Variants in XYLT1 observed in about 807,000 individuals in gnomAD.
XYLT1 encodes the protein beta-D-xylosyltransferase 1.
XYLT1 carries 36 observed loss-of-function variants against 91.3 expected under a neutral mutation model. That is an observed-to-expected ratio of 0.39 (90% confidence interval 0.30 to 0.52). The LOEUF (loss-of-function observed/expected upper bound fraction) is 0.52. Ranked by LOEUF, XYLT1 falls within the 20% of genes least tolerant of loss-of-function variation. XYLT1 has a pLI of 0.68. For missense variants in XYLT1, 1,242 were observed against 1,284.5 expected, an observed-to-expected ratio of 0.97 and a Z score of 0.51; for synonymous variants, 588 against 532.0, an observed-to-expected ratio of 1.11 and a Z score of -1.45.
At chr16:17,232,946 C>A (rs961027672) in intron 3 of XYLT1, among the ~76,000 whole-genome samples, 1 of 152,120 alleles carries the variant, frequency 6.6e-6, no homozygotes, top group Non-Finnish European at 1.5e-5. Context: ...CCCCTTTGGG[C>A]ATAATTCTTC....
chr16:17,379,763 T>TCACACACACACACACACA (rs71137987), intron 1 of XYLT1, among the ~76,000 whole-genome samples: 23 of 125,622 alleles, frequency 1.8e-4, no homozygotes, highest in African/African-American at 6.3e-4. Flanking sequence ...TCTCTCTCTC[T>TCACACACACACACACACA]CACACACACA....
At position 17,103,413 on chromosome 16, in the gene XYLT1, A is replaced by G. The variant is rs1966733072; in HGVS notation, c.*5282T>C. 1 of 152,294 alleles carries G rather than the reference A, an allele frequency of 6.6e-6. No homozygotes were observed. The highest frequency in any genetic ancestry group is 1.5e-5 in the Non-Finnish European group (1 of 68,038). 9.4% of individuals were successfully genotyped at this position (152,294 alleles called of 1,614,324 possible). On this transcript the variant is annotated 3_prime_UTR_variant, in exon 12 of 12. Transcript: ENST00000261381. ...TATAAGAACATTTTTCTTAAAGACG[A>G]CATTTGTAAGCAATTCCTATAGCAT...
In XYLT1 at chr16:17,109,009, G is replaced by T. The variant is rs780784292; in HGVS notation, c.2566C>A (p.Leu856Met). ...NRQPIKPEEA[L>M]KLHNGPLRNA... ...CGGAGGGGCCCATTGTGCAGCTTCA[G>T]TGCCTCCTCTGAAAGCCAAAGGGAA... Residue 856 changes from leucine (L) to methionine (M), a missense_variant, in exon 12 of 12, where the codon CTG becomes ATG. Physicochemically the swap from Leu to Met is conservative, Grantham distance 15. Transcript: ENST00000261381. The T allele has an allele frequency of 6.6e-6, 10 of 1,512,638 alleles. No homozygotes were observed. The highest frequency in any genetic ancestry group is 8.0e-6 in the Non-Finnish European group (9 of 1,126,550). The allele number at this position is 1,512,638 out of a possible 1,614,324, so 93.7% of individuals were successfully genotyped here.
chr16:17,413,324 C>T (rs1187356482), intron 1 of XYLT1, among the ~76,000 whole-genome samples: 2 of 152,174 alleles, frequency 1.3e-5, no homozygotes, highest in Admixed American at 6.5e-5. Context: ...TGGGTACCCA[C>T]ACATGAGCAA....
chr16:17,182,521 T>C (rs1006219215), intron 5 of XYLT1, among the ~76,000 whole-genome samples: 1 of 152,100 alleles, frequency 6.6e-6, no homozygotes, highest in Non-Finnish European at 1.5e-5. Flanking sequence ...CTTCGACATA[T>C]AAATTTTAGT....
chr16:17,166,799 C>T (rs1438778355), intron 5 of XYLT1, among the ~76,000 whole-genome samples: 3 of 151,994 alleles, frequency 2.0e-5, no homozygotes, highest in African/African-American at 4.8e-5. Context: ...AGACATGAGG[C>T]CCTGTGCCTG....
intron 1 of XYLT1, among the ~76,000 whole-genome samples, chr16:17,466,625 TA>T (rs1240995803): frequency 6.6e-6 from 1 of 152,142 alleles, no homozygotes; most frequent in Non-Finnish European, 1.5e-5. Flanking sequence ...GGAAGATTTT[TA>T]AAAAATGAAT....
At chr16:17,238,907 T>C (rs2033291895) in intron 3 of XYLT1, among the ~76,000 whole-genome samples, 1 of 152,236 alleles carries the variant, frequency 6.6e-6, no homozygotes, top group African/African-American at 2.4e-5. Flanking sequence ...TCTCATGATA[T>C]GAGGTAGGGC....
At chr16:17,295,952 T>C (rs867193648) in intron 2 of XYLT1, among the ~76,000 whole-genome samples, 8 of 152,294 alleles carry the variant, frequency 5.3e-5, no homozygotes, top group African/African-American at 7.2e-5. Flanking sequence ...CTTGCACTGA[T>C]GATAACACAG....
At chr16:17,169,541 C>T (rs944916808) in intron 5 of XYLT1, among the ~76,000 whole-genome samples, 4 of 152,094 alleles carry the variant, frequency 2.6e-5, no homozygotes, top group Non-Finnish European at 5.9e-5. Context: ...CACACCAGCC[C>T]TTCCTTCAGA....
At chr16:17,450,450 A>G (rs1044714956) in intron 1 of XYLT1, among the ~76,000 whole-genome samples, 7 of 152,192 alleles carry the variant, frequency 4.6e-5, no homozygotes, top group African/African-American at 1.2e-4. Context: ...TCTGCAGACA[A>G]TCACACCAAA....
At chr16:17,439,999 T>C (rs1292823530) in intron 1 of XYLT1, among the ~76,000 whole-genome samples, 4 of 152,244 alleles carry the variant, frequency 2.6e-5, no homozygotes, top group African/African-American at 9.6e-5. Flanking sequence ...TAGGTGCATC[T>C]TAGGTGCTGT....
intron 3 of XYLT1, among the ~76,000 whole-genome samples, chr16:17,213,938 G>A (rs1008316924): frequency 6.6e-6 from 1 of 152,128 alleles, no homozygotes; most frequent in Admixed American, 6.6e-5. Context: ...CTTTCAGAGG[G>A]TTTCAGCACA....
At chr16:17,438,798 C>T (rs1367579886) in intron 1 of XYLT1, among the ~76,000 whole-genome samples, 1 of 152,010 alleles carries the variant, frequency 6.6e-6, no homozygotes, top group African/African-American at 2.4e-5. Context: ...AGAACTCACT[C>T]ATTATCACGA....
chr16:17,171,592 A>AT (rs763640537), intron 5 of XYLT1, among the ~76,000 whole-genome samples: 3 of 152,282 alleles, frequency 2.0e-5, no homozygotes, highest in Non-Finnish European at 4.4e-5. Context: ...TTTTAAACGG[A>AT]TTTTTTCTTT....
chr16:17,458,291 A>C (rs1790311488), intron 1 of XYLT1, among the ~76,000 whole-genome samples: 1 of 152,200 alleles, frequency 6.6e-6, no homozygotes, highest in South Asian at 2.1e-4. Context: ...TAATGTAGTC[A>C]TTACTGGCCC....
intron 3 of XYLT1, among the ~76,000 whole-genome samples, chr16:17,237,065 G>A (rs1005958533): frequency 8.5e-5 from 13 of 152,138 alleles, no homozygotes; most frequent in Non-Finnish European, 1.3e-4. Context: ...GCTGTTCAAC[G>A]CAGAAAGTAA....
At chr16:17,432,665 T>G (rs184783793) in intron 1 of XYLT1, among the ~76,000 whole-genome samples, 3 of 152,312 alleles carry the variant, frequency 2.0e-5, no homozygotes, top group Admixed American at 2.0e-4. Flanking sequence ...TTTTACAGTA[T>G]GTAAATCACA....
chr16:17,285,913 T>TGC lies in XYLT1; in HGVS notation c.403-26416_403-26415insGC, dbSNP rs2034131883. On this transcript the variant is annotated intron_variant, in intron 2 of 11. Coordinates refer to ENST00000261381, the MANE Select transcript of XYLT1 (RefSeq NM_022166.4). Reference sequence around the variant, plus strand: ...GTGTGTGTGTGTGTGTGTGTGTGTGTGTGTGTCCATGTGTGTGTGAGTGAG... The same window carrying TGC: ...GTGTGTGTGTGTGTGTGTGTGTGTGTGCGTGTGTCCATGTGTGTGTGAGTGAG... Among the ~76,000 whole-genome samples the TGC allele has an allele frequency of 6.5e-5, 9 of 138,480 alleles. 1 individual carries two copies. In the South Asian group the frequency reaches 2.2e-3, roughly 33 times the overall value. 90.8% of individuals were successfully genotyped at this position (138,480 alleles called of 152,430 possible).
Sources: gnomAD v4.1 joint callset for allele counts (sites outside exome capture counted in the v4.1 genomes callset) on GRCh38, gnomAD v4.1.1 for gene constraint, MANE v1.5 for transcripts, NCBI Gene and HGNC (gene_info 2026-07-23, HGNC 2026-07-21) for gene names.